The following PTPRT variants were observed in gnomAD, a reference collection of about 807,000 sequenced individuals.
PTPRT encodes the protein protein tyrosine phosphatase receptor type T.
In PTPRT, 56 loss-of-function variants were observed where a neutral mutation model predicts 176.8. The observed-to-expected ratio is 0.32, with a 90% confidence interval of 0.26 to 0.40. The LOEUF is 0.40. Among genes scored for constraint, PTPRT ranks in the 10% least tolerant of loss-of-function variants. The pLI, the probability that PTPRT is intolerant of heterozygous loss-of-function variation, is 1.00. For missense variants in PTPRT, 1,540 were observed against 1,908.2 expected (o/e 0.81, Z 3.60); for synonymous variants, 783 against 739.0 (o/e 1.06, Z -0.96).
chr20:42,236,730 C>T (rs150751571), intron 14 of PTPRT, among the ~76,000 whole-genome samples: 67 of 151,858 alleles, frequency 4.4e-4, no homozygotes, highest in African/African-American at 1.6e-3. Flanking sequence ...TCTTCTGTCT[C>T]CTCTATTTCA....
intron 7 of PTPRT, among the ~76,000 whole-genome samples, chr20:42,539,342 A>C (rs1269979869): frequency 6.6e-6 from 1 of 151,442 alleles, no homozygotes; most frequent in Admixed American, 6.6e-5. Flanking sequence ...TGAATTACAA[A>C]AGTGGAGGAT....
At chr20:42,921,468 C>T (rs1979140035) in intron 1 of PTPRT, among the ~76,000 whole-genome samples, 1 of 152,130 alleles carries the variant, frequency 6.6e-6, no homozygotes, top group Non-Finnish European at 1.5e-5. Context: ...ACCTGTAGTC[C>T]TAGCTACTCA....
chr20:42,244,129 T>C (rs1357513508), intron 14 of PTPRT, among the ~76,000 whole-genome samples: 1 of 152,184 alleles, frequency 6.6e-6, no homozygotes, highest in East Asian at 1.9e-4. Flanking sequence ...CTACCTTTCA[T>C]AGAAGGGAAA....
intron 7 of PTPRT, among the ~76,000 whole-genome samples, chr20:42,633,924 T>C (rs1248010461): frequency 1.1e-4 from 6 of 54,760 alleles, no homozygotes; most frequent in Non-Finnish European, 1.9e-4. Context: ...TTATATATAA[T>C]ATATTATAAT....
intron 1 of PTPRT, among the ~76,000 whole-genome samples, chr20:42,958,914 T>A (rs1981830074): frequency 6.6e-6 from 1 of 152,178 alleles, no homozygotes; most frequent in South Asian, 2.1e-4. Flanking sequence ...TCAATATGCA[T>A]TGATTAATGA....
intron 7 of PTPRT, among the ~76,000 whole-genome samples, chr20:42,648,820 G>GTTGTTTT (rs1310734163): frequency 2.2e-4 from 25 of 111,820 alleles, no homozygotes; most frequent in African/African-American, 9.3e-4. Context: ...TGGTGTCGTT[G>GTTGTTTT]TTTTTTTTTT....
chr20:42,909,712 G>T (rs1484421689), intron 1 of PTPRT, among the ~76,000 whole-genome samples: 1 of 152,166 alleles, frequency 6.6e-6, no homozygotes, highest in Non-Finnish European at 1.5e-5. Context: ...CACCTGTAAA[G>T]CTGTGTGTCT....
rs193031872 is a variant in PTPRT, at chr20:42,998,444, G to C, written c.89-112512C>G. Among the ~76,000 whole-genome samples, 806 of 152,184 alleles carry C rather than the reference G, an allele frequency of 5.3e-3. 10 individuals carry two copies. The highest frequency in any genetic ancestry group is 5.1e-3 in the Non-Finnish European group (347 of 68,006). On this transcript the variant is annotated intron_variant, in intron 1 of 30. Transcript: ENST00000373187. ...ATAAATAATTAAATCAGTCTAACTT[G>C]ATGAATGAATTAATCATATTGGAGT... is the stretch of plus-strand genomic sequence containing the variant.
At position 42,407,510 on chromosome 20, in the gene PTPRT, C is replaced by A. The variant is rs1019645733; in HGVS notation, c.1560+40710G>T. On this transcript the variant is annotated intron_variant, in intron 9 of 30. Transcript: ENST00000373187. ...TTTAACCAAAACAGAAATTGATGGGCAGTACTTAAATATAATAAAGACTTT... is the reference window on the plus strand; with the variant it reads ...TTTAACCAAAACAGAAATTGATGGGAAGTACTTAAATATAATAAAGACTTT... Among the ~76,000 whole-genome samples, 4 of 152,176 alleles carry A rather than the reference C, an allele frequency of 2.6e-5. No individual in the cohort carries two copies. In the South Asian group the frequency reaches 6.2e-4, roughly 24 times the overall value.
intron 15 of PTPRT, among the ~76,000 whole-genome samples, chr20:42,203,741 A>T (rs1437305960): frequency 6.6e-6 from 1 of 152,248 alleles, no homozygotes; most frequent in Non-Finnish European, 1.5e-5. Context: ...CGGGCATTAA[A>T]CAGATAAATA....
intron 15 of PTPRT, among the ~76,000 whole-genome samples, chr20:42,214,322 A>G (rs2055716838): frequency 6.6e-6 from 1 of 152,186 alleles, no homozygotes; most frequent in Non-Finnish European, 1.5e-5. Context: ...ACATGCATAG[A>G]CAGCTGCGGC....
intron 9 of PTPRT, among the ~76,000 whole-genome samples, chr20:42,437,618 T>C (rs1237247548): frequency 2.0e-5 from 3 of 152,206 alleles, no homozygotes; most frequent in Non-Finnish European, 2.9e-5. Flanking sequence ...CAAGATCTCA[T>C]ACTTGGGTGT....
intron 5 of PTPRT, among the ~76,000 whole-genome samples, chr20:42,771,192 G>A (rs1273761944): frequency 1.3e-5 from 2 of 152,082 alleles, no homozygotes; most frequent in Non-Finnish European, 2.9e-5. Flanking sequence ...CTGACCCCAG[G>A]AAACTCCTCA....
intron 6 of PTPRT, chr20:42,688,303 A>G (rs1446531581): frequency 6.6e-6 from 1 of 152,240 alleles, no homozygotes; most frequent in East Asian, 1.9e-4. Context: ...AGGAACTAAT[A>G]TAACCTAGGC....
At chr20:42,876,598 G>C (rs1011206185) in intron 2 of PTPRT, among the ~76,000 whole-genome samples, 1 of 152,098 alleles carries the variant, frequency 6.6e-6, no homozygotes, top group Admixed American at 6.5e-5. Context: ...GCTCAGAGTC[G>C]GGCTCAAGAC....
intron 7 of PTPRT, among the ~76,000 whole-genome samples, chr20:42,488,316 T>G (rs1419159012): frequency 6.6e-6 from 1 of 152,204 alleles, no homozygotes; most frequent in African/African-American, 2.4e-5. Flanking sequence ...GACAAAGTAC[T>G]GTCAGATTGC....
intron 15 of PTPRT, among the ~76,000 whole-genome samples, chr20:42,210,694 C>G (rs2055601328): frequency 6.6e-6 from 1 of 151,680 alleles, no homozygotes; most frequent in African/African-American, 2.4e-5. Context: ...TAGGAAGAAT[C>G]AATATCGTGA....
At chr20:42,281,709 G>A (rs1431347120) in intron 13 of PTPRT, among the ~76,000 whole-genome samples, 1 of 152,252 alleles carries the variant, frequency 6.6e-6, no homozygotes, top group East Asian at 1.9e-4. Context: ...TATGGATGCT[G>A]CCAGTAAATT....
At chr20:42,764,754 T>C (rs2076959656) in intron 5 of PTPRT, among the ~76,000 whole-genome samples, 1 of 152,236 alleles carries the variant, frequency 6.6e-6, no homozygotes, top group South Asian at 2.1e-4. Flanking sequence ...AAATACATCC[T>C]ATGTGTAAGC....
Sources: allele counts gnomAD v4.1 joint callset (sites outside exome capture counted in the v4.1 genomes callset), GRCh38; gene constraint gnomAD v4.1.1; transcripts MANE v1.5; gene names NCBI Gene and HGNC (gene_info 2026-07-23, HGNC 2026-07-21).